Variants in LILRB2 observed in about 807,000 individuals in gnomAD.
LILRB2 encodes leukocyte immunoglobulin-like receptor subfamily B member 2.
A neutral mutation model predicts 72.7 loss-of-function variants in LILRB2; 47 were observed. The ratio of observed to expected loss-of-function variants is 0.65; its 90% CI spans 0.51 to 0.82. LILRB2 has a LOEUF of 0.82. Ranked by LOEUF, LILRB2 falls within the 40% of genes least tolerant of loss-of-function variation. LILRB2 has a pLI of 0.00. For synonymous variants in LILRB2, 279 were observed against 313.7 expected, an observed-to-expected ratio of 0.89 and a Z score of 1.17; for missense variants, 767 against 764.8, an observed-to-expected ratio of 1.00 and a Z score of -0.03.
rs745850573 is a variant in LILRB2 at position 54,274,703 on chromosome 19, C to T, written c.1774G>A (p.Ala592Thr). Residue 592 changes from alanine (A) to threonine (T), a missense_variant, in exon 14 of 14, where the codon GCC (alanine) becomes ACC (threonine). By Grantham distance (58) the Ala-to-Thr change is moderately conservative (BLOSUM62 0). This residue lies in a region of LILRB2 where 162 missense variants were observed against 176.7 expected (regional missense o/e 0.92). Transcript: ENST00000314446. The part of the protein sequence containing the change: ...REPPAEPSIY[A>T]TLAIH ...CCGGGCTAGTGGATGGCCAGGGTGG[C>T]GTAGATGCTGGGCTCAGCTGGAGGT... 4.3e-6 allele frequency: 7 copies of T among 1,613,706 alleles called. No individual in the cohort carries two copies. Among genetic ancestry groups the T allele is most frequent in the South Asian group, 2.2e-5 (2 of 90,878 alleles).
intron 7 of LILRB2, 148 bp downstream of exon 7, chr19:54,278,112 G>A: frequency 8.1e-7 from 1 of 1,232,810 alleles, no homozygotes; most frequent in Non-Finnish European, 1.1e-6. Context: ...GGGAGGGCCT[G>A]TTGTCCTCCT....
chr19:54,280,684 ACT>A, intron 1 of LILRB2, 140 bp from the exon 2 acceptor site: 2 of 643,052 alleles, frequency 3.1e-6, no homozygotes, highest in Admixed American at 3.9e-5. Flanking sequence ...CAGGAGCCTG[ACT>A]CTCATTCTTT....
At chr19:54,279,279 G>A (rs889074568) in intron 5 of LILRB2, 66 bp downstream of exon 5, 1 of 1,351,482 alleles carries the variant, frequency 7.4e-7, no homozygotes, top group Non-Finnish European at 9.9e-7. Flanking sequence ...AGACACGGCT[G>A]CTCCCCACCT....
Position 54,279,897 on chromosome 19 carries a change from G to A in LILRB2, c.249C>T (p.Phe83=), listed in dbSNP as rs770906863. The A allele has an allele frequency of 6.2e-7, 1 of 1,614,000 alleles. No homozygotes were observed. The highest frequency in any genetic ancestry group is 1.1e-5 in the South Asian group (1 of 91,088). Residue 83 remains phenylalanine (F), a synonymous_variant, in exon 4 of 14, where the codon TTC becomes TTT. Transcript: ENST00000314446. ...IRPELVKNGQ[F]HIPSITWEHT... is the part of the protein sequence containing the mutation. ...GTTCCCAGGTGATGGATGGGATGTG[G>A]AACTGGCCGTTCTTCACAAGCTCTG...
intron 10 of LILRB2, 27 bp from the exon 11 acceptor site, chr19:54,276,483 C>T (rs1266078927): frequency 1.3e-6 from 2 of 1,490,682 alleles, no homozygotes; most frequent in African/African-American, 1.4e-5. Flanking sequence ...AGAGCCTCAG[C>T]CCTGGGAACA....
At position 54,277,915 on chromosome 19, in the gene LILRB2, G is replaced by T. The variant is rs754413567; in HGVS notation, c.1283C>A (p.Pro428Gln). Residue 428 changes from proline to glutamine, a missense_variant, in exon 8 of 14, where the codon CCA (proline) becomes CAA (glutamine). Transcript: ENST00000314446. ...VSGPSMGSSP[P>Q]PTGPISTPGP... Reference sequence around the variant, plus strand: ...AGGTGTGGAGATGGGACCGGTGGGTGGGGGGCTGGAACCCATGGAGGGTCC... The same window carrying T: ...AGGTGTGGAGATGGGACCGGTGGGTTGGGGGCTGGAACCCATGGAGGGTCC... The T allele has an allele frequency of 1.5e-5, 23 of 1,541,360 alleles. No individual in the cohort carries two copies. Among genetic ancestry groups the T allele is most frequent in the Admixed American group, 4.1e-5 (2 of 49,004 alleles).
At position 54,279,019 on chromosome 19, in the gene LILRB2, C is replaced by A. The variant is rs188407464; in HGVS notation, c.748G>T (p.Gly250Cys). ...TTGTACAGAACAAATCTGTCATAGC[C>A]GACATCAGAGACACACTGGAGGGTC... Reference protein sequence around the residue: ...SLTLQCVSDVGYDRFVLYKEG... With the variant: ...SLTLQCVSDVCYDRFVLYKEG... The change falls in exon 6 of 14, where the codon GGC (glycine) becomes TGC (cysteine). Residue 250 changes from glycine to cysteine, a missense_variant. This residue lies in a region of LILRB2 where 599 missense variants were observed against 568.2 expected (regional missense o/e 1.05). Transcript: ENST00000314446. 11 of 1,614,066 alleles carry A rather than the reference C, an allele frequency of 6.8e-6. No individual in the cohort carries two copies. The highest frequency in any genetic ancestry group is 9.3e-6 in the Non-Finnish European group (11 of 1,180,014).
At position 54,278,555 on chromosome 19, in the gene LILRB2, G is replaced by A; in HGVS notation, c.963C>T (p.Ile321=). The part of the protein sequence containing the change: ...DPLDILITGQ[I]RGTPFISVQP... ...GCACTGAGATGAAGGGTGTGCCACG[G>A]ATCTGTCCTGGAGAGAAGAAGGATG... is the stretch of plus-strand genomic sequence containing the variant. The change falls in exon 7 of 14, where the codon ATC becomes ATT. Residue 321 remains isoleucine (I), a synonymous_variant. Transcript: ENST00000314446. The A allele has an allele frequency of 1.2e-6, 2 of 1,614,100 alleles. No homozygotes were observed. Among genetic ancestry groups the A allele is most frequent in the South Asian group, 1.1e-5 (1 of 91,084 alleles).
rs762310388 is a variant in LILRB2, at chr19:54,274,751, G to T, written c.1726C>A (p.Pro576Thr). ...GGTTCCCTTTCCTGGGATGGAGGAG[G>T]CTCAGTTGCCTTCCGTCTGAGGGTC... ...SLTLRRKATE[P>T]PPSQEREPPA... Residue 576 changes from proline (P) to threonine (T), a missense_variant, in exon 14 of 14, where the codon CCT becomes ACT. Physicochemically the swap from Pro to Thr is conservative, Grantham distance 38. This residue lies in a region of LILRB2 where 162 missense variants were observed against 176.7 expected (regional missense o/e 0.92). Transcript: ENST00000314446. 1.2e-6 allele frequency: 2 copies of T among 1,613,772 alleles called. No individual in the cohort carries two copies. Among genetic ancestry groups the T allele is most frequent in the Non-Finnish European group, 1.7e-6 (2 of 1,180,012 alleles).
intron 12 of LILRB2, 114 bp from the exon 13 acceptor site, chr19:54,276,117 C>A (rs1259156170): frequency 1.0e-5 from 16 of 1,555,838 alleles, no homozygotes; most frequent in Non-Finnish European, 1.4e-5. Context: ...GGAGGGGCTG[C>A]AATGTCCCTG....
chr19:54,279,747 C>T lies in LILRB2; in HGVS notation c.355+44G>A, dbSNP rs761524705. The stretch of plus-strand genomic sequence containing the variant: ...GGAGACACCCCTGAGAGCCTCCTTC[C>T]TGAGGGCAGAGCCTGGGGCTGGGAT... On this transcript the variant is annotated intron_variant, in intron 4 of 13. Coordinates refer to ENST00000314446, the MANE Select transcript of LILRB2 (RefSeq NM_001080978.4). The T allele has an allele frequency of 5.6e-6, 9 of 1,610,764 alleles. No individual in the cohort carries two copies. In the East Asian group the frequency reaches 1.1e-4, roughly 20 times the overall value.
In LILRB2 at chr19:54,274,338, G is replaced by A. The variant is rs1161772897; in HGVS notation, c.*345C>T. 2.0e-5 allele frequency: 4 copies of A among 200,276 alleles called. No individual in the cohort carries two copies. The highest frequency in any genetic ancestry group is 1.6e-4 in the South Asian group (1 of 6,126). 12.4% of individuals were successfully genotyped at this position (200,276 alleles called of 1,614,324 possible). ...ATTCATTTCCTAGTTTTTTTTTTTCGTTTCTACTTTTTTCATTTGTGGTTT... is the reference window on the plus strand; with the variant it reads ...ATTCATTTCCTAGTTTTTTTTTTTCATTTCTACTTTTTTCATTTGTGGTTT... On this transcript the variant is annotated 3_prime_UTR_variant, in exon 14 of 14. Coordinates refer to ENST00000314446, the MANE Select transcript of LILRB2 (RefSeq NM_001080978.4).
In LILRB2 at chr19:54,276,392, G is replaced by T; in HGVS notation, c.1545C>A (p.Gly515=). 1 of 1,604,220 alleles carries T rather than the reference G, an allele frequency of 6.2e-7. No homozygotes were observed. Among genetic ancestry groups the T allele is most frequent in the African/African-American group, 1.3e-5 (1 of 74,650 alleles). The part of the protein sequence containing the change: ...GAVGPEPTDR[G]LQWRSSPAAD... ...TCGGGCAGAATTACCTCCACTGCAGGCCTCTGTCTGTGGGCTCTGGCCCCA... is the reference window on the plus strand; with the variant it reads ...TCGGGCAGAATTACCTCCACTGCAGTCCTCTGTCTGTGGGCTCTGGCCCCA... Residue 515 remains glycine, a synonymous_variant, in exon 11 of 14, where the codon GGC becomes GGA. Transcript: ENST00000314446.
chr19:54,277,438 A>G lies in LILRB2; in HGVS notation c.1357+112T>C, dbSNP rs2080287254. On this transcript the variant is annotated intron_variant, in intron 9 of 13. Coordinates refer to ENST00000314446, the MANE Select transcript of LILRB2 (RefSeq NM_001080978.4). ...CACTTGGAGAAACTGAGGCCCAGGC[A>G]GGGGAGGAGCCTGTCTACATCACCA... The G allele has an allele frequency of 1.5e-5, 22 of 1,472,924 alleles. No individual in the cohort carries two copies. In the South Asian group the frequency reaches 2.7e-4, roughly 18 times the overall value. The allele number at this position is 1,472,924 out of a possible 1,614,324, so 91.2% of individuals were successfully genotyped here. A position where few individuals can be genotyped will look rare whatever the true frequency, so the allele number is the denominator to read the frequency against.
chr19:54,278,282 CT>C lies in LILRB2; in HGVS notation c.1235del (p.Glu412GlyfsTer50). On this transcript the variant is annotated frameshift_variant, in exon 7 of 14. Coordinates refer to ENST00000314446, the MANE Select transcript of LILRB2 (RefSeq NM_001080978.4). LOFTEE classifies it high-confidence loss of function. ...SDPYLLSHPS[E>X]PLELVVSGPS... ...CACCTGAGACCACGAGCTCCAGGGG[CT>C]CACTGGGGTGAGACAGCAGGTAGGG... 4 of 1,592,906 alleles carry C rather than the reference CT, an allele frequency of 2.5e-6. No individual in the cohort carries two copies. Among genetic ancestry groups the C allele is most frequent in the Non-Finnish European group, 3.4e-6 (4 of 1,170,952 alleles).
At position 54,278,448 on chromosome 19, in the gene LILRB2, G is replaced by T. The variant is rs779215023; in HGVS notation, c.1070C>A (p.Thr357Asn). ...SWRQFHTFLLTKAGAADAPLR... is the reference protein window; with the variant it reads ...SWRQFHTFLLNKAGAADAPLR... ...TGGGGCATCAGCTGCTCCCGCCTTGGTCAGAAGGAAAGTGTGGAACTGCCG... is the reference window on the plus strand; with the variant it reads ...TGGGGCATCAGCTGCTCCCGCCTTGTTCAGAAGGAAAGTGTGGAACTGCCG... The change falls in exon 7 of 14, where the codon ACC (threonine) becomes AAC (asparagine). Residue 357 changes from threonine (T) to asparagine (N), a missense_variant. Coordinates refer to ENST00000314446, the MANE Select transcript of LILRB2 (RefSeq NM_001080978.4). 1.2e-6 allele frequency: 2 copies of T among 1,614,190 alleles called. No homozygotes were observed. Among genetic ancestry groups the T allele is most frequent in the East Asian group, 4.5e-5 (2 of 44,884 alleles).
Position 54,276,124 on chromosome 19 carries a change from C to T in LILRB2, c.1595-121G>A, listed in dbSNP as rs1330109644. ...AGATGCAGGGAGGGGCTGCAATGTC[C>T]CTGAGGTCCCACAGTGTGGGGTGAG... On this transcript the variant is annotated intron_variant, in intron 12 of 13. Transcript: ENST00000314446. 3.9e-6 allele frequency: 6 copies of T among 1,555,260 alleles called. No individual in the cohort carries two copies. In the African/African-American group the frequency reaches 6.8e-5, roughly 18 times the overall value.
chr19:54,279,688 C>T (rs762405672), intron 4 of LILRB2, 41 bp from the exon 5 acceptor site: 15 of 1,596,378 alleles, frequency 9.4e-6, no homozygotes, highest in African/African-American at 1.3e-5. Flanking sequence ...GGGCTCCCAC[C>T]TCCCACATCA....
chr19:54,278,093 C>G (rs746357623), intron 7 of LILRB2, 154 bp from the exon 8 acceptor site: 8 of 1,152,696 alleles, frequency 6.9e-6, no homozygotes, highest in East Asian at 2.6e-5. Context: ...GCTGAGTGTG[C>G]GCAGGCCTGG....
Sources: allele counts gnomAD v4.1 joint callset, GRCh38; gene constraint gnomAD v4.1.1; regional missense constraint gnomAD v4.1.1; transcripts MANE v1.5; gene names NCBI Gene and HGNC (gene_info 2026-07-23, HGNC 2026-07-21).